ZNF8: variants seen among roughly 807,000 people sequenced by gnomAD.
ZNF8 encodes zinc finger protein 272.
In ZNF8, 9 loss-of-function variants were observed where a neutral mutation model predicts 12.2. The observed-to-expected ratio is 0.73, with a 90% CI of 0.44 to 1.28. The LOEUF (loss-of-function observed/expected upper bound fraction) is 1.28, where lower values mean the gene tolerates loss of function less well. Among genes scored for constraint, ZNF8 ranks in the 50% most tolerant of loss-of-function variants. ZNF8 has a pLI of 0.00. For missense variants in ZNF8, 664 were observed against 729.1 expected (o/e 0.91, Z 1.03); for synonymous variants, 274 against 282.3 (o/e 0.97, Z 0.30).
Position 58,297,251 on chromosome 19 carries a change from A to G in ZNF8, c.*1715A>G, listed in dbSNP as rs971923920. 2.6e-5 allele frequency: 4 copies of G among 151,150 alleles called. No homozygotes were observed. The highest frequency in any genetic ancestry group is 7.4e-5 in the African/African-American group (3 of 40,570). The allele number at this position is 151,150 out of a possible 1,614,324, so 9.4% of individuals were successfully genotyped here. A position where few individuals can be genotyped will look rare whatever the true frequency, so the allele number is the denominator to read the frequency against. ...CTGTCTCAGAAAAAAAAAAGAAAAG[A>G]AAAAAAACCTTCAAATTGATTAATC... On this transcript the variant is annotated 3_prime_UTR_variant, in exon 4 of 4. Coordinates refer to ENST00000621650, the MANE Select transcript of ZNF8 (RefSeq NM_021089.3).
At chr19:58,280,284 T>A (rs2051341868) in intron 1 of ZNF8, 2 of 198,796 alleles carry the variant, frequency 1.0e-5, no homozygotes, top group Non-Finnish European at 2.1e-5. Context: ...GATGGCTCAC[T>A]CACATGTCTG....
rs2051452796 is a variant in ZNF8 at position 58,296,017 on chromosome 19, T to A, written c.*481T>A. On this transcript the variant is annotated 3_prime_UTR_variant, in exon 4 of 4. Transcript: ENST00000621650. Reference sequence around the variant, plus strand: ...GACCATGGCAATACTGTGAGGGGCCTTCCCATGTGGAACGTGACCTTCCAA... The same window carrying A: ...GACCATGGCAATACTGTGAGGGGCCATCCCATGTGGAACGTGACCTTCCAA... 1 of 154,576 alleles carries A rather than the reference T, an allele frequency of 6.5e-6. No homozygotes were observed. The highest frequency in any genetic ancestry group is 1.4e-5 in the Non-Finnish European group (1 of 69,736). The allele number at this position is 154,576 out of a possible 1,614,324, so 9.6% of individuals were successfully genotyped here. A position where few individuals can be genotyped will look rare whatever the true frequency, so the allele number is the denominator to read the frequency against.
Position 58,294,006 on chromosome 19 carries a change from C to A in ZNF8, c.290-92C>A. The A allele has an allele frequency of 8.1e-7, 1 of 1,230,454 alleles. No individual in the cohort carries two copies. The highest frequency in any genetic ancestry group is 1.5e-5 in the South Asian group (1 of 65,520). 76.2% of individuals were successfully genotyped at this position (1,230,454 alleles called of 1,614,324 possible). The stretch of plus-strand genomic sequence containing the variant: ...ACTTGCCAGGGCAGCTGGTTAGGAC[C>A]CCATTTCAATATCAGGCCTATGGTG... On this transcript the variant is annotated intron_variant, in intron 3 of 3. Coordinates refer to ENST00000621650, the MANE Select transcript of ZNF8 (RefSeq NM_021089.3). This position sits in a 1 kb window ranked among gnomAD's most constrained non-coding sequence, Gnocchi z 5.5.
chr19:58,279,671 T>G, intron 1 of ZNF8: 1 of 1,532,308 alleles, frequency 6.5e-7, no homozygotes. Context: ...ACGCACTGAG[T>G]GTGATGAGAG....
chr19:58,290,277 ATTTTT>A, intron 3 of ZNF8, among the ~76,000 whole-genome samples: 1 of 136,554 alleles, frequency 7.3e-6, no homozygotes, highest in East Asian at 2.2e-4. Context: ...CACCCGGCTA[ATTTTT>A]TTTTTGTATT....
At chr19:58,290,081 C>G (rs1304239433) in intron 3 of ZNF8, among the ~76,000 whole-genome samples, 2 of 150,004 alleles carry the variant, frequency 1.3e-5, no homozygotes, top group Non-Finnish European at 3.0e-5. Flanking sequence ...AAGGCGTGAG[C>G]CACCGCGCCT....
At position 58,299,497 on chromosome 19, in the gene ZNF8, C is replaced by A. The variant is rs1455648974; in HGVS notation, c.*3961C>A. The A allele has an allele frequency of 6.9e-6, 1 of 145,848 alleles. No homozygotes were observed. Among genetic ancestry groups the A allele is most frequent in the African/African-American group, 2.5e-5 (1 of 40,008 alleles). The allele number at this position is 145,848 out of a possible 1,614,324, so 9.0% of individuals were successfully genotyped here. The stretch of plus-strand genomic sequence containing the variant: ...AGAACTTCCCGTGTCAGGCCAGGCG[C>A]GGTGGCTCACGCCTGTAATCCCAGC... On this transcript the variant is annotated 3_prime_UTR_variant, in exon 4 of 4. Transcript: ENST00000621650.
chr19:58,295,078 C>G lies in ZNF8; in HGVS notation c.1270C>G (p.Pro424Ala), dbSNP rs1568527661. ...QHQRKHAGEK[P>A]FECRQRLIFE... Reference sequence around the variant, plus strand: ...CCAGCGGAAGCACGCGGGGGAGAAGCCCTTTGAGTGCCGCCAGAGGCTGAT... The same window carrying G: ...CCAGCGGAAGCACGCGGGGGAGAAGGCCTTTGAGTGCCGCCAGAGGCTGAT... The change falls in exon 4 of 4, where the codon CCC becomes GCC. Residue 424 changes from proline (P) to alanine (A), a missense_variant. Physicochemically the swap from Pro to Ala is conservative, Grantham distance 27 (BLOSUM62 -1). This residue lies in a region of ZNF8 where 225 missense variants were observed against 222.0 expected (regional missense o/e 1.01). Coordinates refer to ENST00000621650, the MANE Select transcript of ZNF8 (RefSeq NM_021089.3). The G allele has an allele frequency of 1.2e-6, 2 of 1,614,046 alleles. No individual in the cohort carries two copies. Among genetic ancestry groups the G allele is most frequent in the Admixed American group, 3.3e-5 (2 of 60,028 alleles).
chr19:58,279,105 A>G lies in ZNF8; in HGVS notation c.24A>G (p.Val8=). The G allele has an allele frequency of 6.5e-7, 1 of 1,541,860 alleles. No homozygotes were observed. The highest frequency in any genetic ancestry group is 8.8e-7 in the Non-Finnish European group (1 of 1,139,916). ...GCATGGACCCCGAGGACGAAGGGGT[A>G]GCGGGAGTGATGTCTGTGGGGCCGC... MDPEDEG[V]AGVMSVGPPA... The change falls in exon 1 of 4, where the codon GTA becomes GTG. Residue 8 remains valine (V), a synonymous_variant. Coordinates refer to ENST00000621650, the MANE Select transcript of ZNF8 (RefSeq NM_021089.3).
intron 3 of ZNF8, among the ~76,000 whole-genome samples, chr19:58,290,165 C>G (rs373206559): frequency 3.2e-3 from 405 of 125,254 alleles, no homozygotes; most frequent in African/African-American, 0.012. Flanking sequence ...CCAGACTGGA[C>G]TGCAGTGGCG....
In ZNF8 at chr19:58,296,893, G is replaced by T. The variant is rs957403254; in HGVS notation, c.*1357G>T. The T allele has an allele frequency of 3.3e-5, 5 of 152,180 alleles. No homozygotes were observed. Among genetic ancestry groups the T allele is most frequent in the African/African-American group, 9.7e-5 (4 of 41,408 alleles). 9.4% of individuals were successfully genotyped at this position (152,180 alleles called of 1,614,324 possible). A position where few individuals can be genotyped will look rare whatever the true frequency, so the allele number is the denominator to read the frequency against. ...CAAATGTCAATAGTGCCAAGGTGGA[G>T]AAGCCACCTGGGTATAAACCCAGCC... On this transcript the variant is annotated 3_prime_UTR_variant, in exon 4 of 4. Transcript: ENST00000621650.
At chr19:58,280,140 A>C in intron 1 of ZNF8, 1 of 313,932 alleles carries the variant, frequency 3.2e-6, no homozygotes, top group South Asian at 2.5e-5. Flanking sequence ...AACAACAATA[A>C]ATATCTCACG....
intron 3 of ZNF8, among the ~76,000 whole-genome samples, chr19:58,293,356 G>A (rs2051432438): frequency 1.3e-5 from 2 of 152,130 alleles, no homozygotes; most frequent in Non-Finnish European, 2.9e-5. Flanking sequence ...CCCTCGATAC[G>A]TTCCTTCAGC....
intron 3 of ZNF8, among the ~76,000 whole-genome samples, chr19:58,288,689 A>T (rs1235272252): frequency 6.6e-6 from 1 of 152,144 alleles, no homozygotes; most frequent in Non-Finnish European, 1.5e-5. Flanking sequence ...TGGCCATGGG[A>T]TGTACAACCA....
At chr19:58,283,534 C>T (rs2051363188) in intron 1 of ZNF8, among the ~76,000 whole-genome samples, 1 of 152,024 alleles carries the variant, frequency 6.6e-6, no homozygotes, top group South Asian at 2.1e-4. Context: ...AACAAGAAGG[C>T]CCTCACCAGA....
rs538441025 is a variant in ZNF8, at chr19:58,302,107, C to A, written c.*6571C>A. On this transcript the variant is annotated 3_prime_UTR_variant, in exon 4 of 4. Transcript: ENST00000621650. ...AGTGTTTCAGATCTTTGCATATTTT[C>A]TGTTTCTCATTTCAGTTCACATTTT... 1 of 152,252 alleles carries A rather than the reference C, an allele frequency of 6.6e-6. No individual in the cohort carries two copies. The highest frequency in any genetic ancestry group is 2.1e-4 in the South Asian group (1 of 4,818). 9.4% of individuals were successfully genotyped at this position (152,252 alleles called of 1,614,324 possible).
intron 3 of ZNF8, among the ~76,000 whole-genome samples, chr19:58,289,355 G>T (rs1282156232): frequency 6.6e-6 from 1 of 152,050 alleles, no homozygotes; most frequent in Non-Finnish European, 1.5e-5. Flanking sequence ...AATTATCCAG[G>T]TGTGGTGGTG....
intron 1 of ZNF8, among the ~76,000 whole-genome samples, chr19:58,283,869 G>C (rs2051366258): frequency 6.7e-6 from 1 of 149,842 alleles, no homozygotes; most frequent in Admixed American, 6.7e-5. Context: ...AAAGTGCTGG[G>C]ATTACAGGCA....
At position 58,297,717 on chromosome 19, in the gene ZNF8, A is replaced by G. The variant is rs1423013446; in HGVS notation, c.*2181A>G. Reference sequence around the variant, plus strand: ...TTTTCTGAGTAACCTTTAAGGATGTATTGTGGACATTTTCAAACATGAGTC... The same window carrying G: ...TTTTCTGAGTAACCTTTAAGGATGTGTTGTGGACATTTTCAAACATGAGTC... On this transcript the variant is annotated 3_prime_UTR_variant, in exon 4 of 4. Coordinates refer to ENST00000621650, the MANE Select transcript of ZNF8 (RefSeq NM_021089.3). The G allele has an allele frequency of 1.3e-5, 2 of 152,166 alleles. No individual in the cohort carries two copies. Among genetic ancestry groups the G allele is most frequent in the East Asian group, 3.9e-4 (2 of 5,192 alleles). 9.4% of individuals were successfully genotyped at this position (152,166 alleles called of 1,614,324 possible).
Sources: gnomAD v4.1 joint callset for allele counts (sites outside exome capture counted in the v4.1 genomes callset) on GRCh38, gnomAD v4.1.1 for gene constraint, gnomAD v4.1.1 regional missense constraint, Gnocchi (gnomAD v3.1) non-coding constraint, MANE v1.5 for transcripts, NCBI Gene and HGNC (gene_info 2026-07-23, HGNC 2026-07-21) for gene names.